DNAJC11: variants seen among roughly 807,000 people sequenced by gnomAD.
DNAJC11 encodes the protein DnaJ heat shock protein family (Hsp40) member C11, also known as dnaJ homolog subfamily C member 11.
In DNAJC11, 15 loss-of-function variants were observed where a neutral mutation model predicts 78.6. The ratio of observed to expected loss-of-function variants is 0.19; its 90% CI spans 0.13 to 0.29. The LOEUF is 0.29. Among genes scored for constraint, DNAJC11 ranks in the 10% least tolerant of loss-of-function variants. The pLI is 1.00. For missense variants in DNAJC11, 547 were observed against 709.6 expected (o/e 0.77, Z 2.60); for synonymous variants, 292 against 272.1 (o/e 1.07, Z -0.72).
At chr1:6,691,785 C>T (rs1429705106) in intron 1 of DNAJC11, among the ~76,000 whole-genome samples, 3 of 152,248 alleles carry the variant, frequency 2.0e-5, no homozygotes, top group Admixed American at 6.5e-5. Flanking sequence ...GGTTCCACTC[C>T]AAGCTGCAAG....
At position 6,645,870 on chromosome 1, in the gene DNAJC11, C is replaced by T. The variant is rs200434906; in HGVS notation, c.813G>A (p.Gln271=). 6.2e-7 allele frequency: 1 copy of T among 1,614,214 alleles called. No individual in the cohort carries two copies. The highest frequency in any genetic ancestry group is 1.7e-5 in the Admixed American group (1 of 60,016). ...NLDKNTVGYL[Q]WRWGIQSAMN... ...TGGCTGACTGGATACCCCATCGCCA[C>T]TGCAGGTAGCCCACGGTGTTCTTGT... The change falls in exon 8 of 16, where the codon CAG becomes CAA. Residue 271 remains glutamine, a synonymous_variant. Coordinates refer to ENST00000377577, the MANE Select transcript of DNAJC11 (RefSeq NM_018198.4). This position sits in a 1 kb window ranked among gnomAD's most constrained non-coding sequence, Gnocchi z 4.1.
intron 3 of DNAJC11, among the ~76,000 whole-genome samples, chr1:6,673,577 A>G (rs989751923): frequency 6.6e-6 from 1 of 152,232 alleles, no homozygotes; most frequent in Non-Finnish European, 1.5e-5. Flanking sequence ...AATTTCTAGT[A>G]TAGCCTGCAC....
rs1401214409 is a variant in DNAJC11, at chr1:6,694,835, CATG to C, written c.72+6891_72+6893del. Among the ~76,000 whole-genome samples, 11 of 151,306 alleles carry C rather than the reference CATG, an allele frequency of 7.3e-5. No homozygotes were observed. In the East Asian group the frequency reaches 2.1e-3, roughly 29 times the overall value. On this transcript the variant is annotated intron_variant, in intron 1 of 15. Coordinates refer to ENST00000377577, the MANE Select transcript of DNAJC11 (RefSeq NM_018198.4). The stretch of plus-strand genomic sequence containing the variant: ...AAAAAAAAAAAAAAAATTATCCAGG[CATG>C]GTGGTGGGGGCCTGTAGCCCCAGCT...
intron 4 of DNAJC11, among the ~76,000 whole-genome samples, chr1:6,663,373 A>G (rs1290532867): frequency 6.6e-6 from 1 of 152,200 alleles, no homozygotes; most frequent in Non-Finnish European, 1.5e-5. Flanking sequence ...GCAGCAATGA[A>G]GTCGGACAAG....
intron 4 of DNAJC11, among the ~76,000 whole-genome samples, chr1:6,657,069 C>T (rs548519111): frequency 3.3e-5 from 5 of 152,252 alleles, no homozygotes; most frequent in East Asian, 3.9e-4. Context: ...ACCATGCCTG[C>T]GGGTACTCAC....
chr1:6,634,392 G>A lies in DNAJC11; in HGVS notation c.*1283C>T, dbSNP rs1227236466. 4.9e-6 allele frequency: 6 copies of A among 1,212,920 alleles called. No individual in the cohort carries two copies. Among genetic ancestry groups the A allele is most frequent in the Non-Finnish European group, 3.2e-6 (3 of 934,868 alleles). 75.1% of individuals were successfully genotyped at this position (1,212,920 alleles called of 1,614,324 possible). A position where few individuals can be genotyped will look rare whatever the true frequency, so the allele number is the denominator to read the frequency against. ...GTTACAGAATTGGACAACCCGAACT[G>A]CTTTTCAAAACCAGAGGAAGGAGGT... On this transcript the variant is annotated 3_prime_UTR_variant, in exon 16 of 16. Coordinates refer to ENST00000377577, the MANE Select transcript of DNAJC11 (RefSeq NM_018198.4).
Position 6,680,098 on chromosome 1 carries a change from A to G in DNAJC11, c.202+810T>C, listed in dbSNP as rs964424664. 2.0e-5 allele frequency among the ~76,000 whole-genome samples: 3 copies of G among 152,242 alleles called. No individual in the cohort carries two copies. In the South Asian group the frequency reaches 6.2e-4, roughly 31 times the overall value. ...GATTTTATAAAGAAACATATTATCT[A>G]ATTTTTGGTCTAAGGAGCAAATCAC... On this transcript the variant is annotated intron_variant, in intron 2 of 15. Transcript: ENST00000377577. This position sits in a 1 kb window ranked among gnomAD's most constrained non-coding sequence, Gnocchi z 4.0.
chr1:6,674,053 C>G (rs1248578448), intron 3 of DNAJC11, among the ~76,000 whole-genome samples: 1 of 152,186 alleles, frequency 6.6e-6, no homozygotes, highest in East Asian at 1.9e-4. Context: ...CAGCCATTAC[C>G]AGAATCAACC....
intron 14 of DNAJC11, among the ~76,000 whole-genome samples, chr1:6,636,650 G>T (rs1022343908): frequency 6.6e-6 from 1 of 152,190 alleles, no homozygotes; most frequent in Non-Finnish European, 1.5e-5. Context: ...TCTGTTTGCT[G>T]GTGTGACTGG....
chr1:6,696,394 GA>G (rs1479006651), intron 1 of DNAJC11, among the ~76,000 whole-genome samples: 1 of 152,238 alleles, frequency 6.6e-6, no homozygotes, highest in African/African-American at 2.4e-5. Context: ...GCAGATGGCT[GA>G]GTCAGTGGTC....
At position 6,677,172 on chromosome 1, in the gene DNAJC11, A is replaced by C. The variant is rs552165604; in HGVS notation, c.276+1222T>G. 2.4e-3 allele frequency among the ~76,000 whole-genome samples: 363 copies of C among 151,328 alleles called. 2 individuals carry two copies. Among genetic ancestry groups the C allele is most frequent in the African/African-American group, 8.3e-3 (343 of 41,330 alleles). Reference sequence around the variant, plus strand: ...AAACTTGGTCTCAAAAAAAAAAAAAAAACAAAAAAAACGAAGGAACTTCAA... The same window carrying C: ...AAACTTGGTCTCAAAAAAAAAAAAACAACAAAAAAAACGAAGGAACTTCAA... On this transcript the variant is annotated intron_variant, in intron 3 of 15. Transcript: ENST00000377577.
intron 4 of DNAJC11, among the ~76,000 whole-genome samples, chr1:6,657,836 G>A (rs1305401395): frequency 4.6e-5 from 7 of 152,110 alleles, no homozygotes; most frequent in Non-Finnish European, 8.8e-5. Flanking sequence ...TAGTAGAGAC[G>A]GGGTTTCACC....
chr1:6,671,845 A>AT (rs1454921445), intron 3 of DNAJC11, among the ~76,000 whole-genome samples: 1 of 151,192 alleles, frequency 6.6e-6, no homozygotes, highest in Non-Finnish European at 1.5e-5. Flanking sequence ...TTAATATTTT[A>AT]TTTTTTTGAG....
At chr1:6,682,971 G>A (rs1642577982) in intron 1 of DNAJC11, among the ~76,000 whole-genome samples, 1 of 152,190 alleles carries the variant, frequency 6.6e-6, no homozygotes, top group Non-Finnish European at 1.5e-5. Context: ...AGGCCACAGA[G>A]AGCTTCCCGC....
intron 4 of DNAJC11, among the ~76,000 whole-genome samples, chr1:6,655,250 G>A (rs561738586): frequency 4.6e-5 from 7 of 152,072 alleles, no homozygotes; most frequent in Non-Finnish European, 8.8e-5. Context: ...TTGTTTTTGC[G>A]GTGATATTCA....
At chr1:6,651,415 G>T in intron 7 of DNAJC11, 114 bp downstream of exon 7, 2 of 898,472 alleles carry the variant, frequency 2.2e-6, no homozygotes, top group Non-Finnish European at 3.6e-6. Flanking sequence ...TGTACGCAGT[G>T]ACCTTGTAGG....
chr1:6,680,620 C>T lies in DNAJC11; in HGVS notation c.202+288G>A, dbSNP rs552015334. ...GATCAGCCTTTTACCTATAAGAGTT[C>T]CCTTTAGAAGAAAACTGGTAAACGA... On this transcript the variant is annotated intron_variant, in intron 2 of 15. Transcript: ENST00000377577. The surrounding 1 kb of genome is among the most constrained non-coding windows in gnomAD (Gnocchi z 4.0). Among the ~76,000 whole-genome samples, 11 of 152,278 alleles carry T rather than the reference C, an allele frequency of 7.2e-5. No homozygotes were observed. The highest frequency in any genetic ancestry group is 2.6e-4 in the African/African-American group (11 of 41,542).
chr1:6,651,851 A>G (rs1429570300), intron 6 of DNAJC11, among the ~76,000 whole-genome samples: 3 of 152,200 alleles, frequency 2.0e-5, no homozygotes, highest in Non-Finnish European at 2.9e-5. Context: ...CCCTCCAAAG[A>G]AAAAACTGCT....
intron 4 of DNAJC11, among the ~76,000 whole-genome samples, chr1:6,666,139 G>T (rs185151865): frequency 6.6e-6 from 1 of 152,228 alleles, no homozygotes; most frequent in Non-Finnish European, 1.5e-5. Context: ...TTTCCCAAGA[G>T]AATTAAATCA....
Sources: allele counts gnomAD v4.1 joint callset (sites outside exome capture counted in the v4.1 genomes callset), GRCh38; gene constraint gnomAD v4.1.1; non-coding constraint Gnocchi (gnomAD v3.1); transcripts MANE v1.5; gene names NCBI Gene and HGNC (gene_info 2026-07-23, HGNC 2026-07-21).